Variants in UBE2E2 observed in about 807,000 individuals in gnomAD.
UBE2E2 encodes ubiquitin conjugating enzyme E2 E2, also known as ubiquitin-conjugating enzyme E2 E2.
Under a neutral mutation model 24.7 loss-of-function variants are expected in UBE2E2, and 6 were observed. That is an observed-to-expected ratio of 0.24 (90% confidence interval 0.13 to 0.48). The LOEUF is 0.48. Ranked by LOEUF, UBE2E2 falls within the 20% of genes least tolerant of loss-of-function variation. The probability of loss-of-function intolerance (pLI) is 0.99; values close to 1 mark genes in which losing one functional copy is unlikely to be tolerated. For missense variants in UBE2E2, 169 were observed against 245.0 expected, an observed-to-expected ratio of 0.69 and a Z score of 2.07; for synonymous variants, 104 against 83.6, an observed-to-expected ratio of 1.24 and a Z score of -1.33.
At chr3:23,466,948 CA>C (rs1263965313) in intron 3 of UBE2E2, among the ~76,000 whole-genome samples, 4 of 152,124 alleles carry the variant, frequency 2.6e-5, no homozygotes, top group Non-Finnish European at 4.4e-5. Context: ...AGAGGCTCTG[CA>C]GAATTTACTG....
chr3:23,225,951 C>T (rs1696809609), intron 3 of UBE2E2, among the ~76,000 whole-genome samples: 1 of 152,074 alleles, frequency 6.6e-6, no homozygotes, highest in African/African-American at 2.4e-5. Context: ...ACCATACCAG[C>T]CCACTGCAAC....
At position 23,280,893 on chromosome 3, in the gene UBE2E2, T is replaced by C. The variant is rs1394010831; in HGVS notation, c.227+63581T>C. On this transcript the variant is annotated intron_variant, in intron 3 of 5. Transcript: ENST00000396703. This position sits in a 1 kb window ranked among gnomAD's most constrained non-coding sequence, Gnocchi z 4.3. ...AAGTCTGGGTGGCTTAAACAGCATT[T>C]ATTTCTCACAACTCAGGAGATTGGG... Among the ~76,000 whole-genome samples the C allele has an allele frequency of 6.6e-6, 1 of 152,220 alleles. No individual in the cohort carries two copies. The highest frequency in any genetic ancestry group is 2.4e-5 in the African/African-American group (1 of 41,454).
intron 3 of UBE2E2, among the ~76,000 whole-genome samples, chr3:23,436,523 A>T (rs1209075586): frequency 6.6e-6 from 1 of 152,172 alleles, no homozygotes; most frequent in Admixed American, 6.5e-5. Flanking sequence ...TTTAAAGGAA[A>T]ATCTGAGTAT....
chr3:23,365,947 G>A (rs1302971877), intron 3 of UBE2E2, among the ~76,000 whole-genome samples: 1 of 152,102 alleles, frequency 6.6e-6, no homozygotes, highest in Non-Finnish European at 1.5e-5. Context: ...AGAGAGCTCA[G>A]AAATAATGCC....
chr3:23,557,686 A>T (rs577554063), intron 5 of UBE2E2, among the ~76,000 whole-genome samples: 2 of 152,330 alleles, frequency 1.3e-5, no homozygotes, highest in Admixed American at 1.3e-4. Flanking sequence ...AAAATGACAT[A>T]TTGGAGACCC....
chr3:23,272,020 C>T (rs114529276), intron 3 of UBE2E2, among the ~76,000 whole-genome samples: 2,174 of 152,312 alleles, frequency 0.014, 53 homozygotes, highest in African/African-American at 0.05. Flanking sequence ...CAGTCCCGCA[C>T]GGCGCCTGCA....
At chr3:23,567,464 A>G (rs969550638) in intron 5 of UBE2E2, among the ~76,000 whole-genome samples, 1 of 152,214 alleles carries the variant, frequency 6.6e-6, no homozygotes, top group African/African-American at 2.4e-5. Context: ...TAAGAATCGA[A>G]ACCTTCAGGG....
At chr3:23,558,191 A>G (rs150043111) in intron 5 of UBE2E2, among the ~76,000 whole-genome samples, 4 of 152,180 alleles carry the variant, frequency 2.6e-5, no homozygotes, top group Admixed American at 6.5e-5. Context: ...ATATTTCACC[A>G]TGACTTCAAA....
chr3:23,422,707 A>G (rs940495292), intron 3 of UBE2E2, among the ~76,000 whole-genome samples: 1 of 152,184 alleles, frequency 6.6e-6, no homozygotes, highest in African/African-American at 2.4e-5. Context: ...AGACAGGCAG[A>G]TTTTCACTCA....
intron 3 of UBE2E2, among the ~76,000 whole-genome samples, chr3:23,320,340 T>G (rs2125288612): frequency 6.6e-6 from 1 of 152,336 alleles, no homozygotes; most frequent in African/African-American, 2.4e-5. Context: ...TCTAATTCTT[T>G]GCAAGTTGTA....
intron 5 of UBE2E2, among the ~76,000 whole-genome samples, chr3:23,552,845 T>A (rs1656028846): frequency 6.6e-6 from 1 of 152,194 alleles, no homozygotes; most frequent in Non-Finnish European, 1.5e-5. Context: ...ACCTCAAGAT[T>A]AACTAAAATT....
rs189803762 is a variant in UBE2E2 at position 23,563,455 on chromosome 3, A to T, written c.509-26279A>T. 5.0e-3 allele frequency among the ~76,000 whole-genome samples: 762 copies of T among 152,108 alleles called. 7 individuals carry two copies. The highest frequency in any genetic ancestry group is 0.02 in the Middle Eastern group (6 of 294). On this transcript the variant is annotated intron_variant, in intron 5 of 5. Coordinates refer to ENST00000396703, the MANE Select transcript of UBE2E2 (RefSeq NM_152653.4). ...AGAGACAGTTTGTTATAATTTCTGTACTTTTACATTTGCTGAGGAGTGTTT... is the reference window on the plus strand; with the variant it reads ...AGAGACAGTTTGTTATAATTTCTGTTCTTTTACATTTGCTGAGGAGTGTTT...
chr3:23,391,489 G>C (rs1696933777), intron 3 of UBE2E2, among the ~76,000 whole-genome samples: 1 of 152,156 alleles, frequency 6.6e-6, no homozygotes, highest in Non-Finnish European at 1.5e-5. Flanking sequence ...TATGGCCACT[G>C]TCACAGGAGG....
At chr3:23,435,494 A>G (rs1196719352) in intron 3 of UBE2E2, among the ~76,000 whole-genome samples, 1 of 152,212 alleles carries the variant, frequency 6.6e-6, no homozygotes, top group Non-Finnish European at 1.5e-5. Flanking sequence ...ATGGCTGAAC[A>G]CGTCAGTTGG....
At chr3:23,435,282 A>T (rs1429450457) in intron 3 of UBE2E2, among the ~76,000 whole-genome samples, 2 of 152,248 alleles carry the variant, frequency 1.3e-5, no homozygotes, top group Non-Finnish European at 2.9e-5. Context: ...TACAACACAC[A>T]ATAATAACTG....
chr3:23,290,745 AT>A (rs1456315633), intron 3 of UBE2E2, among the ~76,000 whole-genome samples: 1 of 151,692 alleles, frequency 6.6e-6, no homozygotes, highest in Non-Finnish European at 1.5e-5. Context: ...TATTATTATT[AT>A]TTTTTGGATT....
intron 3 of UBE2E2, chr3:23,271,037 C>T (rs1265492138): frequency 2.2e-6 from 1 of 456,648 alleles, no homozygotes; most frequent in Non-Finnish European, 4.4e-6. Flanking sequence ...ATTCATTTCT[C>T]AATTAACTAT....
At position 23,491,620 on chromosome 3, in the gene UBE2E2, G is replaced by A. The variant is rs149500088; in HGVS notation, c.228-7988G>A. Among the ~76,000 whole-genome samples, 156 of 152,306 alleles carry A rather than the reference G, an allele frequency of 1.0e-3. 1 individual carries two copies. The East Asian group carries it at 0.027, about 26-fold the overall frequency. On this transcript the variant is annotated intron_variant, in intron 3 of 5. Transcript: ENST00000396703. ...ATGATTGGAGTAATAGAGTTGAAGG[G>A]GAGCTTTGGGATGGCAAGGGATGGG...
rs138922593 is a variant in UBE2E2, at chr3:23,374,662, T to A, written c.228-124946T>A. 5.0e-3 allele frequency among the ~76,000 whole-genome samples: 758 copies of A among 152,326 alleles called. 6 individuals carry two copies. The highest frequency in any genetic ancestry group is 0.017 in the Middle Eastern group (5 of 294). Reference sequence around the variant, plus strand: ...GATGAGCCAATTAAAAATCATTATCTTCCTACTGAAAACACCAGCCTGCTA... The same window carrying A: ...GATGAGCCAATTAAAAATCATTATCATCCTACTGAAAACACCAGCCTGCTA... On this transcript the variant is annotated intron_variant, in intron 3 of 5. Transcript: ENST00000396703.
Sources: gnomAD v4.1 joint callset for allele counts (sites outside exome capture counted in the v4.1 genomes callset) on GRCh38, gnomAD v4.1.1 for gene constraint, Gnocchi (gnomAD v3.1) non-coding constraint, MANE v1.5 for transcripts, NCBI Gene and HGNC (gene_info 2026-07-23, HGNC 2026-07-21) for gene names.